The following POTEI variants were observed in gnomAD, a reference collection of about 807,000 sequenced individuals.
POTEI encodes POTE ankyrin domain family member I.
POTEI carries 14 observed loss-of-function variants against 43.4 expected under a neutral mutation model. That is an observed-to-expected ratio of 0.32 (90% CI 0.21 to 0.50). POTEI has a LOEUF of 0.50. Among genes scored for constraint, POTEI ranks in the 20% least tolerant of loss-of-function variants. The pLI is 0.98. For missense variants in POTEI, 235 were observed against 795.4 expected, an observed-to-expected ratio of 0.30 and a Z score of 8.47; for synonymous variants, 95 against 297.9, an observed-to-expected ratio of 0.32 and a Z score of 7.01.
Position 130,464,279 on chromosome 2 carries a change from G to A in POTEI, c.1900-135C>T. On this transcript the variant is annotated intron_variant, in intron 14 of 14. Transcript: ENST00000451531. ...TGGATATTTAACTGGAAAAAAATTGGACAAAACTTCAAACCTAATAAGAGT... is the reference window on the plus strand; with the variant it reads ...TGGATATTTAACTGGAAAAAAATTGAACAAAACTTCAAACCTAATAAGAGT... 4.8e-5 allele frequency: 2 copies of A among 41,570 alleles called. 1 individual carries two copies. The highest frequency in any genetic ancestry group is 8.6e-5 in the African/African-American group (2 of 23,350). 2.6% of individuals were successfully genotyped at this position (41,570 alleles called of 1,614,324 possible).
chr2:130,461,687 G>T lies in POTEI; in HGVS notation c.*1129C>A, dbSNP rs1410088341. On this transcript the variant is annotated 3_prime_UTR_variant, in exon 15 of 15. Transcript: ENST00000451531. The stretch of plus-strand genomic sequence containing the variant: ...GGCCCCAGTTGGGAGGTCCTGTCCA[G>T]TGAGATGGAACAGGATCAGGGGCCT... 6.6e-6 allele frequency: 1 copy of T among 151,464 alleles called. No homozygotes were observed. Among genetic ancestry groups the T allele is most frequent in the Non-Finnish European group, 1.5e-5 (1 of 67,920 alleles). The allele number at this position is 151,464 out of a possible 1,614,324, so 9.4% of individuals were successfully genotyped here.
intron 6 of POTEI, among the ~76,000 whole-genome samples, chr2:130,492,914 C>T (rs1244732124): frequency 1.3e-5 from 2 of 151,652 alleles, no homozygotes; most frequent in African/African-American, 2.4e-5. Context: ...GTCTTCCTAC[C>T]CAGTCCATAA....
chr2:130,494,869 T>C (rs7604782), intron 6 of POTEI, among the ~76,000 whole-genome samples: 5,669 of 87,124 alleles, frequency 0.065, 40 homozygotes, highest in African/African-American at 0.16. Flanking sequence ...ATCTCTATAG[T>C]ATTAAAAAGT....
At chr2:130,505,104 T>C (rs1395056971) in intron 1 of POTEI, among the ~76,000 whole-genome samples, 1 of 150,078 alleles carries the variant, frequency 6.7e-6, no homozygotes, top group Admixed American at 6.6e-5. Flanking sequence ...TGTGTGTTCC[T>C]TCCCTCTAGG....
At chr2:130,492,985 CTCTT>C (rs1360709454) in intron 6 of POTEI, among the ~76,000 whole-genome samples, 4 of 150,416 alleles carry the variant, frequency 2.7e-5, no homozygotes, top group Non-Finnish European at 4.4e-5. Flanking sequence ...ACAAAAAACA[CTCTT>C]TCTCTTTTTT....
Position 130,461,406 on chromosome 2 carries a change from G to T in POTEI, c.*1410C>A, listed in dbSNP as rs1042027065. On this transcript the variant is annotated 3_prime_UTR_variant, in exon 15 of 15. Transcript: ENST00000451531. ...GTCAAGGTAGCCAGAGACCCTGGTTGAAAGACTTCACCCACTGACTAGAAA... is the reference window on the plus strand; with the variant it reads ...GTCAAGGTAGCCAGAGACCCTGGTTTAAAGACTTCACCCACTGACTAGAAA... The T allele has an allele frequency of 6.6e-6, 1 of 151,998 alleles. No homozygotes were observed. Among genetic ancestry groups the T allele is most frequent in the Non-Finnish European group, 1.5e-5 (1 of 68,090 alleles). The allele number at this position is 151,998 out of a possible 1,614,324, so 9.4% of individuals were successfully genotyped here. A position where few individuals can be genotyped will look rare whatever the true frequency, so the allele number is the denominator to read the frequency against.
rs200194598 is a variant in POTEI, at chr2:130,483,708, C to T, written c.1410-1635G>A. ...CTCCTGGGTTCATGCCATTCTCCTG[C>T]CTCAGCCTCCATAGCAGCTGGGACT... is the stretch of plus-strand genomic sequence containing the variant. On this transcript the variant is annotated intron_variant, in intron 9 of 14. Coordinates refer to ENST00000451531, the MANE Select transcript of POTEI (RefSeq NM_001277406.2). Among the ~76,000 whole-genome samples, 322 of 146,438 alleles carry T rather than the reference C, an allele frequency of 2.2e-3. 10 individuals carry two copies. The highest frequency in any genetic ancestry group is 8.2e-3 in the African/African-American group (315 of 38,528).
chr2:130,480,473 C>T (rs1683372796), intron 10 of POTEI, among the ~76,000 whole-genome samples: 1 of 150,758 alleles, frequency 6.6e-6, no homozygotes, highest in Admixed American at 6.6e-5. Context: ...GCTCTTCCTC[C>T]CAAACGGGCA....
chr2:130,479,250 C>A (rs1220709098), intron 10 of POTEI, among the ~76,000 whole-genome samples: 2 of 150,658 alleles, frequency 1.3e-5, no homozygotes, highest in Non-Finnish European at 2.9e-5. Context: ...AAACTGCCAA[C>A]TATTAATGTT....
intron 10 of POTEI, among the ~76,000 whole-genome samples, chr2:130,477,334 A>G (rs1683233991): frequency 7.0e-6 from 1 of 143,228 alleles, no homozygotes; most frequent in Non-Finnish European, 1.5e-5. Context: ...TTGTATTTTT[A>G]GTAGAGATGG....
chr2:130,484,182 G>A (rs1316718137), intron 9 of POTEI, among the ~76,000 whole-genome samples: 1 of 150,430 alleles, frequency 6.6e-6, no homozygotes, highest in Non-Finnish European at 1.5e-5. Flanking sequence ...GGCCAGAAGA[G>A]TCCCTGCTGA....
Position 130,488,691 on chromosome 2 carries a change from C to T in POTEI, c.1243-493G>A, listed in dbSNP as rs1281463373. ...TTTTCTGCGCTAAGATATTCTTCTA[C>T]CCCACTGCCTTTGAGCATTCTTTTT... On this transcript the variant is annotated intron_variant, in intron 8 of 14. Transcript: ENST00000451531. Among the ~76,000 whole-genome samples, 11 of 120,226 alleles carry T rather than the reference C, an allele frequency of 9.1e-5. 1 individual carries two copies. The highest frequency in any genetic ancestry group is 1.8e-4 in the Non-Finnish European group (10 of 57,072). 78.9% of individuals were successfully genotyped at this position (120,226 alleles called of 152,430 possible). A position where few individuals can be genotyped will look rare whatever the true frequency, so the allele number is the denominator to read the frequency against.
chr2:130,464,566 A>C (rs1474581468), intron 14 of POTEI, among the ~76,000 whole-genome samples: 4 of 150,000 alleles, frequency 2.7e-5, no homozygotes, highest in Non-Finnish European at 4.4e-5. Flanking sequence ...TATCAACCAC[A>C]CCATCCTAAG....
chr2:130,477,150 T>C (rs1444351227), intron 10 of POTEI, among the ~76,000 whole-genome samples: 1 of 151,448 alleles, frequency 6.6e-6, no homozygotes, highest in Non-Finnish European at 1.5e-5. Flanking sequence ...TTTTCTTTTT[T>C]TCTTTTTTCT....
At chr2:130,488,878 T>A (rs4092178) in intron 8 of POTEI, among the ~76,000 whole-genome samples, 5 of 45,920 alleles carry the variant, frequency 1.1e-4, no homozygotes, top group Non-Finnish European at 1.6e-4. Context: ...CCATACAATT[T>A]TCTAGCTGGA....
At position 130,508,841 on chromosome 2, in the gene POTEI, C is replaced by T. The variant is rs1317885545; in HGVS notation, c.395G>A (p.Arg132Lys). The change falls in exon 1 of 15, where the codon AGA (arginine) becomes AAA (lysine). Residue 132 changes from arginine to lysine, a missense_variant. By Grantham distance (26) the Arg-to-Lys change is conservative. Coordinates refer to ENST00000451531, the MANE Select transcript of POTEI (RefSeq NM_001277406.2). ...CAGATCTTCTCGACGGACGTGGTAT[C>T]TCGGCTCCACGAAGGCGCTGTCGTC... ...DYDDSAFVEP[R>K]YHVRREDLDK... The T allele has an allele frequency of 2.6e-6, 4 of 1,554,334 alleles. 1 individual carries two copies. In the South Asian group the frequency reaches 4.6e-5, roughly 18 times the overall value.
intron 9 of POTEI, among the ~76,000 whole-genome samples, chr2:130,484,200 T>G (rs560330843): frequency 4.0e-5 from 6 of 148,746 alleles, no homozygotes; most frequent in Admixed American, 2.7e-4. Context: ...TGAGAAAGGG[T>G]TTTTTTTTTC....
At chr2:130,475,152 T>G (rs372708743) in intron 11 of POTEI, among the ~76,000 whole-genome samples, 1 of 123,744 alleles carries the variant, frequency 8.1e-6, no homozygotes, top group Non-Finnish European at 1.6e-5. Flanking sequence ...GTTTAGCTAC[T>G]GCCACATCAC....
At chr2:130,468,708 G>GC (rs1368342572) in intron 13 of POTEI, among the ~76,000 whole-genome samples, 1 of 150,936 alleles carries the variant, frequency 6.6e-6, no homozygotes, top group African/African-American at 2.4e-5. Context: ...ACTATTGGGG[G>GC]GGGGGGTATC....
Sources: allele counts gnomAD v4.1 joint callset (sites outside exome capture counted in the v4.1 genomes callset), GRCh38; gene constraint gnomAD v4.1.1; transcripts MANE v1.5; gene names NCBI Gene and HGNC (gene_info 2026-07-23, HGNC 2026-07-21).